PIGZ: variants seen among roughly 807,000 people sequenced by gnomAD.
PIGZ encodes GPI alpha-1,2-mannosyltransferase 4.
A neutral mutation model predicts 16.4 loss-of-function variants in PIGZ; 16 were observed. That is an observed-to-expected ratio of 0.97 (90% CI 0.66 to 1.48). The LOEUF (loss-of-function observed/expected upper bound fraction) is 1.48, where lower values mean the gene tolerates loss of function less well. Ranked by LOEUF, PIGZ falls within the 40% of genes most tolerant of loss-of-function variation. PIGZ has a pLI of 0.00. For synonymous variants in PIGZ, 409 were observed against 338.4 expected (o/e 1.21, Z -2.29); for missense variants, 770 against 739.2 (o/e 1.04, Z -0.48).
At chr3:196,964,052 A>ATTTC (rs2108919621) in intron 1 of PIGZ, among the ~76,000 whole-genome samples, 1 of 151,604 alleles carries the variant, frequency 6.6e-6, no homozygotes, top group African/African-American at 2.4e-5. Flanking sequence ...ATTTTTATTT[A>ATTTC]TTTATTTATT....
chr3:196,953,416 AACTTTC>A (rs1411279488), intron 1 of PIGZ, among the ~76,000 whole-genome samples: 3 of 152,284 alleles, frequency 2.0e-5, no homozygotes, highest in African/African-American at 7.2e-5. Flanking sequence ...CACTCCCTCC[AACTTTC>A]ACACACCCTG....
intron 1 of PIGZ, among the ~76,000 whole-genome samples, chr3:196,964,332 A>G (rs1262320349): frequency 2.7e-5 from 4 of 149,346 alleles, no homozygotes; most frequent in African/African-American, 7.4e-5. Flanking sequence ...TACAGGCATG[A>G]GCCACCGTGC....
intron 1 of PIGZ, among the ~76,000 whole-genome samples, chr3:196,956,380 ACGAATGAGAAGCAAG>A (rs1184669654): frequency 2.6e-5 from 4 of 152,204 alleles, no homozygotes; most frequent in African/African-American, 4.8e-5. Context: ...TGAGAAGCAA[ACGAATGAGAAGCAAG>A]CGAATGAGAC....
intron 1 of PIGZ, among the ~76,000 whole-genome samples, chr3:196,967,158 G>A (rs933925674): frequency 1.3e-5 from 2 of 152,178 alleles, no homozygotes; most frequent in African/African-American, 4.8e-5. Context: ...GGGAGGAGGG[G>A]AGGGAAGGGA....
Position 196,947,655 on chromosome 3 carries a change from G to A in PIGZ, c.1242C>T (p.Gly414=), listed in dbSNP as rs758682969. Residue 414 remains glycine, a synonymous_variant, in exon 3 of 3, where the codon GGC becomes GGT. Transcript: ENST00000412723. ...CGAGGGCGTTGAAGAGGACCACAGT[G>A]CCCTTCCAAGGCACAGGCTGCGTCT... ...SPQTQPVPWK[G]TVVLFNALGA... 8 of 1,611,572 alleles carry A rather than the reference G, an allele frequency of 5.0e-6. No individual in the cohort carries two copies. Among genetic ancestry groups the A allele is most frequent in the Middle Eastern group, 1.7e-4 (1 of 6,046 alleles).
In PIGZ at chr3:196,947,953, A is replaced by G. The variant is rs773884868; in HGVS notation, c.944T>C (p.Leu315Pro). The G allele has an allele frequency of 7.4e-6, 12 of 1,612,656 alleles. No homozygotes were observed. In the African/African-American group the frequency reaches 1.5e-4, roughly 20 times the overall value. Residue 315 changes from leucine to proline, a missense_variant, in exon 3 of 3, where the codon CTC (leucine) becomes CCC (proline). Coordinates refer to ENST00000412723, the MANE Select transcript of PIGZ (RefSeq NM_025163.4). ...GAAGCCGTTGACTGCCAGGTGAGTGAGCCGCGCGTGCGTGCCATGTCTCGC... is the reference window on the plus strand; with the variant it reads ...GAAGCCGTTGACTGCCAGGTGAGTGGGCCGCGCGTGCGTGCCATGTCTCGC... ...NLARHGTHAR[L>P]THLAVNGFLL...
intron 1 of PIGZ, among the ~76,000 whole-genome samples, chr3:196,954,835 A>T (rs536566903): frequency 6.6e-6 from 1 of 152,292 alleles, no homozygotes; most frequent in East Asian, 1.9e-4. Flanking sequence ...TAGATATTCC[A>T]TGGATGCTTG....
intron 1 of PIGZ, among the ~76,000 whole-genome samples, chr3:196,963,737 G>A (rs1206657308): frequency 6.6e-6 from 1 of 152,232 alleles, no homozygotes; most frequent in African/African-American, 2.4e-5. Flanking sequence ...AGGAGGCAGA[G>A]GATCAGCTAG....
intron 1 of PIGZ, among the ~76,000 whole-genome samples, chr3:196,957,454 C>T (rs1458733242): frequency 1.3e-5 from 2 of 151,216 alleles, no homozygotes; most frequent in Non-Finnish European, 2.9e-5. Context: ...ATGATCTCGG[C>T]TCACTGCAGC....
At position 196,965,238 on chromosome 3, in the gene PIGZ, T is replaced by C. The variant is rs2108921264; in HGVS notation, c.-1+3449A>G. On this transcript the variant is annotated intron_variant, in intron 1 of 2. Transcript: ENST00000412723. The surrounding 1 kb of genome is among the most constrained non-coding windows in gnomAD (Gnocchi z 4.2). ...TCACAGTTCTACATTGCTGGGGAAG[T>C]TTCAGGAAACTTACAGTCATAGCGG... Among the ~76,000 whole-genome samples the C allele has an allele frequency of 6.7e-6, 1 of 148,938 alleles. No homozygotes were observed. The highest frequency in any genetic ancestry group is 2.2e-4 in the South Asian group (1 of 4,618).
intron 1 of PIGZ, among the ~76,000 whole-genome samples, chr3:196,956,326 G>A (rs1717483762): frequency 6.6e-6 from 1 of 152,162 alleles, no homozygotes; most frequent in Non-Finnish European, 1.5e-5. Flanking sequence ...CAATCATGGT[G>A]GAAGGCAAAG....
Position 196,948,012 on chromosome 3 carries a change from G to T in PIGZ, c.885C>A (p.Asn295Lys). 6.3e-7 allele frequency: 1 copy of T among 1,595,874 alleles called. No individual in the cohort carries two copies. Among genetic ancestry groups the T allele is most frequent in the Non-Finnish European group, 8.6e-7 (1 of 1,168,322 alleles). Residue 295 changes from asparagine (N) to lysine (K), a missense_variant, in exon 3 of 3, where the codon AAC becomes AAA. By Grantham distance (94) the Asn-to-Lys change is moderately conservative. Transcript: ENST00000412723. ...TSRNLVLTPV[N>K]FLHYNLNPQN... Reference sequence around the variant, plus strand: ...GGGGATTCAGGTTGTAGTGCAAGAAGTTGACAGGTGTCAGGACAAGGTTCC... The same window carrying T: ...GGGGATTCAGGTTGTAGTGCAAGAATTTGACAGGTGTCAGGACAAGGTTCC...
At position 196,947,744 on chromosome 3, in the gene PIGZ, T is replaced by C; in HGVS notation, c.1153A>G (p.Ser385Gly). Residue 385 changes from serine (S) to glycine (G), a missense_variant, in exon 3 of 3, where the codon AGC becomes GGC. Ser to Gly is a moderately conservative substitution (Grantham distance 56, BLOSUM62 0). Coordinates refer to ENST00000412723, the MANE Select transcript of PIGZ (RefSeq NM_025163.4). ...FMPLALLSAF[S>G]HQEARFLIPL... ...ATCAGGAACCGAGCCTCCTGGTGGC[T>C]AAAGGCAGATAGCAGGGCCAGAGGC... is the stretch of plus-strand genomic sequence containing the variant. 6.2e-7 allele frequency: 1 copy of C among 1,612,656 alleles called. No homozygotes were observed. The highest frequency in any genetic ancestry group is 8.5e-7 in the Non-Finnish European group (1 of 1,179,368).
In PIGZ at chr3:196,947,988, G is replaced by C. The variant is rs61729253; in HGVS notation, c.909C>G (p.Pro303=). Residue 303 remains proline (P), a synonymous_variant, in exon 3 of 3, where the codon CCC becomes CCG. Coordinates refer to ENST00000412723, the MANE Select transcript of PIGZ (RefSeq NM_025163.4). ...GCGTGCCATGTCTCGCCAGGTTTTG[G>C]GGATTCAGGTTGTAGTGCAAGAAGT... The part of the protein sequence containing the change: ...PVNFLHYNLN[P]QNLARHGTHA... The C allele has an allele frequency of 6.2e-7, 1 of 1,605,752 alleles. No homozygotes were observed. The highest frequency in any genetic ancestry group is 1.3e-5 in the African/African-American group (1 of 74,850).
At chr3:196,949,542 A>G (rs1398622830) in intron 2 of PIGZ, among the ~76,000 whole-genome samples, 1 of 152,254 alleles carries the variant, frequency 6.6e-6, no homozygotes, top group Non-Finnish European at 1.5e-5. Context: ...CTTCCAGACA[A>G]GAACTCAGCC....
intron 1 of PIGZ, among the ~76,000 whole-genome samples, chr3:196,955,142 T>C (rs773059030): frequency 1.3e-5 from 2 of 151,992 alleles, no homozygotes; most frequent in Non-Finnish European, 2.9e-5. Context: ...CCCAGGCTGG[T>C]CTTGACCTCC....
At chr3:196,959,647 C>T (rs763309689) in intron 1 of PIGZ, among the ~76,000 whole-genome samples, 2 of 152,236 alleles carry the variant, frequency 1.3e-5, no homozygotes, top group Non-Finnish European at 2.9e-5. Context: ...CTCCTCCTCC[C>T]TTCACAGGGA....
Position 196,960,744 on chromosome 3 carries a change from A to AAAGAAAGAAAGAAAGAAAGAAAGAAAGC in PIGZ, c.-1+7942_-1+7943insGCTTTCTTTCTTTCTTTCTTTCTTTCTT, listed in dbSNP as rs1426495389. 7.3e-5 allele frequency among the ~76,000 whole-genome samples: 11 copies of AAAGAAAGAAAGAAAGAAAGAAAGAAAGC among 151,530 alleles called. No homozygotes were observed. The East Asian group carries it at 1.7e-3, about 24-fold the overall frequency. ...AGAAAGAAAAGAAAGAAAGAGAAAGAAAGAAAGAAAGAAAGAAAGAAAAGA... is the reference window on the plus strand; with the variant it reads ...AGAAAGAAAAGAAAGAAAGAGAAAGAAAGAAAGAAAGAAAGAAAGAAAGAAAGCAAGAAAGAAAGAAAGAAAGAAAAGA... On this transcript the variant is annotated intron_variant, in intron 1 of 2. Coordinates refer to ENST00000412723, the MANE Select transcript of PIGZ (RefSeq NM_025163.4).
At chr3:196,952,772 G>C (rs1044302964) in intron 1 of PIGZ, among the ~76,000 whole-genome samples, 5 of 152,168 alleles carry the variant, frequency 3.3e-5, no homozygotes, top group Non-Finnish European at 5.9e-5. Flanking sequence ...AAGAAGATCA[G>C]CTGCACCAGT....
Sources: allele counts gnomAD v4.1 joint callset (sites outside exome capture counted in the v4.1 genomes callset), GRCh38; gene constraint gnomAD v4.1.1; non-coding constraint Gnocchi (gnomAD v3.1); transcripts MANE v1.5; gene names NCBI Gene and HGNC (gene_info 2026-07-23, HGNC 2026-07-21).